Variants in GAS7 observed in about 807,000 individuals in gnomAD.
GAS7 encodes growth arrest-specific protein 7.
Under a neutral mutation model 71.1 loss-of-function variants are expected in GAS7, and 28 were observed. That is an observed-to-expected ratio of 0.39 (90% CI 0.29 to 0.54). The LOEUF (loss-of-function observed/expected upper bound fraction) is 0.54. GAS7 is among the 20% of genes least tolerant of loss of function. The pLI is 0.62. For synonymous variants in GAS7, 258 were observed against 245.8 expected (o/e 1.05, Z -0.46); for missense variants, 436 against 627.8 (o/e 0.69, Z 3.27).
chr17:9,960,421 C>G (rs2069437194), intron 4 of GAS7, among the ~76,000 whole-genome samples: 2 of 152,030 alleles, frequency 1.3e-5, no homozygotes, highest in Admixed American at 1.3e-4. Context: ...AACTTTTGAC[C>G]TCAGGCGATC....
intron 1 of GAS7, among the ~76,000 whole-genome samples, chr17:10,134,806 G>A (rs78455639): frequency 0.01 from 1,573 of 152,066 alleles, 20 homozygotes; most frequent in African/African-American, 0.036. Context: ...GTAGAAGCTC[G>A]GGGCAGTTCT....
intron 4 of GAS7, among the ~76,000 whole-genome samples, chr17:9,966,420 T>C (rs1216160769): frequency 6.6e-6 from 1 of 152,190 alleles, no homozygotes. Context: ...GTTTCGTCAC[T>C]GTAACCCTGA....
rs1456730900 is a variant in GAS7 at position 10,065,317 on chromosome 17, TA to T, written c.184-45421del. Among the ~76,000 whole-genome samples the T allele has an allele frequency of 4.6e-5, 7 of 152,246 alleles. No homozygotes were observed. The South Asian group carries it at 1.0e-3, about 22-fold the overall frequency. Reference sequence around the variant, plus strand: ...TCTAAAAACCTTCCTTTGGCCACTATAACACTTGGTGTCTTAAAGCAACAGA... The same window carrying T: ...TCTAAAAACCTTCCTTTGGCCACTATACACTTGGTGTCTTAAAGCAACAGA... On this transcript the variant is annotated intron_variant, in intron 1 of 13. Coordinates refer to ENST00000432992, the MANE Select transcript of GAS7 (RefSeq NM_201433.2).
intron 1 of GAS7, among the ~76,000 whole-genome samples, chr17:10,155,199 A>T (rs1377909751): frequency 6.6e-6 from 1 of 152,012 alleles, no homozygotes; most frequent in Non-Finnish European, 1.5e-5. Context: ...TATTTTAAGT[A>T]GAGATGGGGT....
intron 1 of GAS7, among the ~76,000 whole-genome samples, chr17:10,187,646 G>A (rs2074465606): frequency 6.6e-6 from 1 of 152,140 alleles, no homozygotes; most frequent in Non-Finnish European, 1.5e-5. Context: ...CAAGGTGACA[G>A]ACAGACAGTC....
intron 1 of GAS7, among the ~76,000 whole-genome samples, chr17:10,163,438 AT>A (rs201619318): frequency 2.0e-5 from 3 of 151,340 alleles, no homozygotes; most frequent in Admixed American, 2.0e-4. Context: ...AAAATTTTTA[AT>A]TTAAAAAAAA....
At chr17:10,071,459 G>C (rs1365468316) in intron 1 of GAS7, among the ~76,000 whole-genome samples, 1 of 152,190 alleles carries the variant, frequency 6.6e-6, no homozygotes, top group Non-Finnish European at 1.5e-5. Context: ...AGAACAGCCA[G>C]ACATGAGGAG....
chr17:9,919,634 T>C lies in GAS7; in HGVS notation c.1210A>G (p.Thr404Ala). ...QSKWFEEMVT[T>A]TLELERLEVE... ...CATCCCTGCCCGCTTACCAATGTGG[T>C]GGTCACCATCTCTTCAAACCATTTG... The change falls in exon 12 of 14, where the codon ACC becomes GCC. Residue 404 changes from threonine to alanine, a missense_variant. Thr to Ala is a moderately conservative substitution (Grantham distance 58). Coordinates refer to ENST00000432992, the MANE Select transcript of GAS7 (RefSeq NM_201433.2). This position sits in a 1 kb window ranked among gnomAD's most constrained non-coding sequence, Gnocchi z 5.0. 6.2e-7 allele frequency: 1 copy of C among 1,611,032 alleles called. No homozygotes were observed. The highest frequency in any genetic ancestry group is 8.5e-7 in the Non-Finnish European group (1 of 1,177,198).
At chr17:9,941,614 C>T (rs759409152) in intron 7 of GAS7, among the ~76,000 whole-genome samples, 2 of 152,196 alleles carry the variant, frequency 1.3e-5, no homozygotes, top group Admixed American at 6.5e-5. Context: ...CTAGGAAGCC[C>T]GGAATGTCCT....
At chr17:9,925,652 C>T (rs1439047257) in intron 10 of GAS7, 53 bp from the exon 11 acceptor site, 2 of 1,608,072 alleles carry the variant, frequency 1.2e-6, no homozygotes, top group Non-Finnish European at 1.7e-6. Flanking sequence ...GCCAGTGGGC[C>T]TCCTGGGCCA....
At position 10,112,593 on chromosome 17, in the gene GAS7, G is replaced by C. The variant is rs371180135; in HGVS notation, c.183+85615C>G. Among the ~76,000 whole-genome samples the C allele has an allele frequency of 3.3e-5, 5 of 152,030 alleles. No individual in the cohort carries two copies. In the East Asian group the frequency reaches 7.8e-4, roughly 24 times the overall value. ...TCTACTAAAAATACAAAATTAGCCG[G>C]GCATGGTGGCACATGCCTGTAATCC... On this transcript the variant is annotated intron_variant, in intron 1 of 13. Transcript: ENST00000432992.
intron 1 of GAS7, among the ~76,000 whole-genome samples, chr17:10,076,953 G>A (rs551109337): frequency 2.0e-5 from 3 of 152,184 alleles, no homozygotes; most frequent in Admixed American, 2.0e-4. Context: ...TAGTGACTCC[G>A]CCAGAAAATT....
chr17:10,113,210 A>G (rs1343507262), intron 1 of GAS7, among the ~76,000 whole-genome samples: 4 of 152,242 alleles, frequency 2.6e-5, no homozygotes, highest in African/African-American at 9.6e-5. Context: ...GCTATGGGAA[A>G]GCAGGCACTC....
At chr17:10,183,944 C>T (rs2074434871) in intron 1 of GAS7, among the ~76,000 whole-genome samples, 1 of 152,168 alleles carries the variant, frequency 6.6e-6, no homozygotes, top group Non-Finnish European at 1.5e-5. Flanking sequence ...TTGCCAAGCA[C>T]TCTGCTGCCC....
chr17:10,071,949 A>AAG (rs201840585), intron 1 of GAS7, among the ~76,000 whole-genome samples: 7,454 of 150,758 alleles, frequency 0.049, 208 homozygotes, highest in Middle Eastern at 0.065. Flanking sequence ...GAAAAAAAAA[A>AAG]AAAAGAAAAG....
At chr17:10,027,546 T>C (rs1289806545) in intron 1 of GAS7, among the ~76,000 whole-genome samples, 1 of 152,246 alleles carries the variant, frequency 6.6e-6, no homozygotes, top group Non-Finnish European at 1.5e-5. Context: ...ATTGAGGCTC[T>C]TATCAAAGCA....
intron 2 of GAS7, among the ~76,000 whole-genome samples, chr17:9,982,806 G>GAAAGAAAA: frequency 2.0e-5 from 1 of 50,146 alleles, no homozygotes; most frequent in Non-Finnish European, 3.8e-5. Flanking sequence ...AGGAAAGAAA[G>GAAAGAAAA]GAAAGAAAGG....
intron 12 of GAS7, among the ~76,000 whole-genome samples, chr17:9,918,870 A>T (rs2067688206): frequency 1.3e-5 from 2 of 152,144 alleles, no homozygotes; most frequent in South Asian, 4.1e-4. Context: ...AGGGGGCTTA[A>T]TTAGGAGATT....
At chr17:9,947,636 C>A (rs547150726) in intron 5 of GAS7, among the ~76,000 whole-genome samples, 2 of 151,798 alleles carry the variant, frequency 1.3e-5, no homozygotes, top group African/African-American at 4.8e-5. Context: ...CCCAGCTAGT[C>A]GGGAGGCTGA....
Sources: allele counts gnomAD v4.1 joint callset (sites outside exome capture counted in the v4.1 genomes callset), GRCh38; gene constraint gnomAD v4.1.1; non-coding constraint Gnocchi (gnomAD v3.1); transcripts MANE v1.5; gene names NCBI Gene and HGNC (gene_info 2026-07-23, HGNC 2026-07-21).